ATAD2B: variants seen among roughly 807,000 people sequenced by gnomAD.
ATAD2B encodes the protein ATPase family AAA domain-containing protein 2B.
Under a neutral mutation model 167.6 loss-of-function variants are expected in ATAD2B, and 40 were observed. That is an observed-to-expected ratio of 0.24 (90% CI 0.19 to 0.31). The LOEUF (loss-of-function observed/expected upper bound fraction) is 0.31, where lower values mean the gene tolerates loss of function less well. ATAD2B is among the 10% of genes least tolerant of loss of function. The pLI is 1.00. For missense variants in ATAD2B, 1,242 were observed against 1,757.2 expected (o/e 0.71, Z 5.24); for synonymous variants, 579 against 596.5 (o/e 0.97, Z 0.43).
chr2:23,814,888 A>C (rs1016618713), intron 17 of ATAD2B, among the ~76,000 whole-genome samples: 1 of 151,888 alleles, frequency 6.6e-6, no homozygotes, highest in African/African-American at 2.4e-5. Context: ...CCCTGACTCT[A>C]CTAAAAATAC....
Position 23,824,923 on chromosome 2 carries a change from C to T in ATAD2B, c.1820-1354G>A, listed in dbSNP as rs1016396767. Among the ~76,000 whole-genome samples the T allele has an allele frequency of 3.9e-5, 6 of 152,124 alleles. No individual in the cohort carries two copies. In the East Asian group the frequency reaches 9.7e-4, roughly 25 times the overall value. On this transcript the variant is annotated intron_variant, in intron 15 of 27. Coordinates refer to ENST00000238789, the MANE Select transcript of ATAD2B (RefSeq NM_017552.4). ...AGAATATTAGACCCTAACTAAGCTT[C>T]AACAAACAATACCAGGTTTATTTTT...
At chr2:23,695,574 T>TG in the ATAD2B span, 9 of 1,304,786 alleles carry the variant, frequency 6.9e-6, no homozygotes, top group Non-Finnish European at 1.1e-6. The surrounding 1 kb of genome is among the most constrained non-coding windows in gnomAD (Gnocchi z 7.6). Flanking sequence ...GTCCGGGAGG[T>TG]GGCTCTCTCT....
chr2:23,707,182 T>A, the ATAD2B span: 1 of 152,284 alleles, frequency 6.6e-6, no homozygotes, highest in Admixed American at 6.5e-5. Flanking sequence ...CCTAGGAGGC[T>A]GCTGGTCCCC....
the ATAD2B span, among the ~76,000 whole-genome samples, chr2:23,739,461 A>G: frequency 2.6e-5 from 4 of 152,240 alleles, no homozygotes; most frequent in East Asian, 5.8e-4. Context: ...CTGGGTAAAT[A>G]ATGAAGTGAA....
intron 1 of ATAD2B, among the ~76,000 whole-genome samples, chr2:23,922,211 A>T (rs1296889627): frequency 6.6e-6 from 1 of 152,218 alleles, no homozygotes; most frequent in Admixed American, 6.5e-5. Context: ...AATTAGGAGA[A>T]GTAGAAAAAA....
intron 12 of ATAD2B, among the ~76,000 whole-genome samples, chr2:23,860,229 A>G (rs1001841241): frequency 5.3e-5 from 8 of 152,196 alleles, no homozygotes. Context: ...CGTCTCCAGA[A>G]CTATGAGTCA....
At chr2:23,872,936 T>A (rs1256001019) in intron 8 of ATAD2B, 1 of 759,804 alleles carries the variant, frequency 1.3e-6, no homozygotes, top group Admixed American at 1.7e-5. Context: ...ACATTGGCAT[T>A]GTACCAGTCG....
chr2:23,761,108 A>T (rs1676687732), intron 24 of ATAD2B, among the ~76,000 whole-genome samples: 1 of 152,234 alleles, frequency 6.6e-6, no homozygotes, highest in African/African-American at 2.4e-5. Context: ...AAAGAATTTC[A>T]AAGTTTAAAT....
In ATAD2B at chr2:23,872,572, C is replaced by CT. The variant is rs1696166110; in HGVS notation, c.978-2812_978-2811insA. 8 of 1,177,690 alleles carry CT rather than the reference C, an allele frequency of 6.8e-6. No individual in the cohort carries two copies. In the South Asian group the frequency reaches 9.7e-5, roughly 14 times the overall value. 73.0% of individuals were successfully genotyped at this position (1,177,690 alleles called of 1,614,324 possible). On this transcript the variant is annotated intron_variant, in intron 8 of 27. Coordinates refer to ENST00000238789, the MANE Select transcript of ATAD2B (RefSeq NM_017552.4). ...TCTCACAGGAGGGTAGCTGATCCTC[C>CT]GTGAGGTCTGCATGCCTGCGATCCT...
intron 19 of ATAD2B, among the ~76,000 whole-genome samples, chr2:23,795,878 C>CA (rs1216976553): frequency 6.4e-4 from 77 of 119,906 alleles, no homozygotes; most frequent in Middle Eastern, 9.0e-3. Context: ...GACTCCATCT[C>CA]AAAAAAAAAA....
intron 13 of ATAD2B, 75 bp downstream of exon 13, chr2:23,857,325 AAGCCTCATAGCACTT>A (rs1219679468): frequency 1.7e-5 from 11 of 665,778 alleles, no homozygotes; most frequent in Non-Finnish European, 2.7e-5. Flanking sequence ...ATTTCTTTGT[AAGCCTCATAGCACTT>A]AGCTAAGGGC....
At chr2:23,904,901 A>G (rs753771152) in intron 1 of ATAD2B, among the ~76,000 whole-genome samples, 24 of 152,200 alleles carry the variant, frequency 1.6e-4, no homozygotes, top group Non-Finnish European at 2.8e-4. Context: ...AAAACTCTGC[A>G]CTGCTATTTA....
At chr2:23,870,365 C>T (rs191361461) in intron 8 of ATAD2B, among the ~76,000 whole-genome samples, 21 of 144,740 alleles carry the variant, frequency 1.5e-4, no homozygotes, top group African/African-American at 5.1e-4. Context: ...GGGCTCACTA[C>T]AGCCTCAACC....
Position 23,819,873 on chromosome 2 carries a change from G to T in ATAD2B, c.2141C>A (p.Thr714Asn). Residue 714 changes from threonine to asparagine, a missense_variant, in exon 17 of 28, where the codon ACT becomes AAT. Around this residue, in one of 9 missense-constraint regions of ATAD2B, gnomAD observed 145 missense variants for 181.9 expected, o/e 0.80. Transcript: ENST00000238789. The part of the protein sequence containing the change: ...SQSDKKEDIE[T>N]LILEDSEDEN... ...ATCTTCACTATCCTCTAAAATTAAA[G>T]TTTCTATATCTGTTTAAAAAAATCA... 6.3e-7 allele frequency: 1 copy of T among 1,578,136 alleles called. No homozygotes were observed. Among genetic ancestry groups the T allele is most frequent in the Non-Finnish European group, 8.7e-7 (1 of 1,150,918 alleles).
intron 6 of ATAD2B, among the ~76,000 whole-genome samples, chr2:23,883,026 C>T (rs1200968299): frequency 1.3e-5 from 2 of 152,040 alleles, no homozygotes; most frequent in African/African-American, 4.8e-5. Context: ...ATAAACCCAG[C>T]ACTTTGGGAG....
At chr2:23,679,601 C>T in the ATAD2B span, among the ~76,000 whole-genome samples, 3 of 142,722 alleles carry the variant, frequency 2.1e-5, no homozygotes, top group Non-Finnish European at 4.8e-5. Flanking sequence ...ATTTGCCATC[C>T]ATCACACCAG....
chr2:23,926,695 C>T lies in ATAD2B; in HGVS notation c.76G>A (p.Gly26Arg). 6.4e-7 allele frequency: 1 copy of T among 1,551,746 alleles called. No individual in the cohort carries two copies. The highest frequency in any genetic ancestry group is 8.7e-7 in the Non-Finnish European group (1 of 1,147,990). ...SPGPGPGPGA[G>R]AEPGATGGSS... ...CCTCCGGTCGCCCCAGGCTCTGCTC[C>T]GGCCCCAGGCCCAGGCCCGGGACCA... The change falls in exon 1 of 28, where the codon GGA (glycine) becomes AGA (arginine). Residue 26 changes from glycine to arginine, a missense_variant. Around this residue, in one of 9 missense-constraint regions of ATAD2B, gnomAD observed 199 missense variants for 194.9 expected, o/e 1.02. Transcript: ENST00000238789.
the ATAD2B span, among the ~76,000 whole-genome samples, chr2:23,679,993 G>A: frequency 2.6e-5 from 4 of 152,178 alleles, no homozygotes; most frequent in South Asian, 4.1e-4. Context: ...GAGGAGGAGC[G>A]GAGGGAACGG....
chr2:23,840,707 T>C (rs529636273), intron 13 of ATAD2B, among the ~76,000 whole-genome samples: 1 of 152,226 alleles, frequency 6.6e-6, no homozygotes, highest in African/African-American at 2.4e-5. Flanking sequence ...AGTATGCCCA[T>C]TAGATCAGAT....
Sources: gnomAD v4.1 joint callset for allele counts (sites outside exome capture counted in the v4.1 genomes callset) on GRCh38, gnomAD v4.1.1 for gene constraint, gnomAD v4.1.1 regional missense constraint, Gnocchi (gnomAD v3.1) non-coding constraint, MANE v1.5 for transcripts, NCBI Gene and HGNC (gene_info 2026-07-23, HGNC 2026-07-21) for gene names.